Variants in TERF2 observed in about 807,000 individuals in gnomAD.
The protein encoded by TERF2 is telomeric repeat-binding factor 2.
Under a neutral mutation model 56.1 loss-of-function variants are expected in TERF2, and 16 were observed. That is an observed-to-expected ratio of 0.29 (90% CI 0.19 to 0.43). The LOEUF is 0.43. TERF2 is among the 20% of genes least tolerant of loss of function. The pLI is 1.00. For synonymous variants in TERF2, 296 were observed against 282.1 expected (o/e 1.05, Z -0.50); for missense variants, 547 against 712.9 (o/e 0.77, Z 2.65).
In TERF2 at chr16:69,355,974, C is replaced by T. The variant is rs1034108047; in HGVS notation, c.*924G>A. On this transcript the variant is annotated 3_prime_UTR_variant, in exon 10 of 10. Transcript: ENST00000254942. ...ACCAAAAAACACACTGGTTCAACCACATGAGAAGTGGAGGATTAACCTGCC... is the reference window on the plus strand; with the variant it reads ...ACCAAAAAACACACTGGTTCAACCATATGAGAAGTGGAGGATTAACCTGCC... The T allele has an allele frequency of 1.7e-5, 4 of 239,726 alleles. No individual in the cohort carries two copies. The highest frequency in any genetic ancestry group is 9.2e-5 in the African/African-American group (4 of 43,428). The allele number at this position is 239,726 out of a possible 1,614,324, so 14.8% of individuals were successfully genotyped here.
intron 5 of TERF2, 130 bp from the exon 6 acceptor site, chr16:69,368,612 G>C: frequency 6.5e-7 from 1 of 1,539,758 alleles, no homozygotes; most frequent in Non-Finnish European, 8.7e-7. Flanking sequence ...ATAAAACGAA[G>C]GACATAAAAT....
intron 5 of TERF2, among the ~76,000 whole-genome samples, chr16:69,369,043 T>C (rs933030280): frequency 1.1e-5 from 1 of 94,064 alleles, no homozygotes; most frequent in Non-Finnish European, 2.3e-5. Context: ...ACAAATGTTT[T>C]GCCTTATTAA....
Position 69,367,138 on chromosome 16 carries a change from G to A in TERF2, c.1009C>T (p.Leu337=). 1 of 1,614,218 alleles carries A rather than the reference G, an allele frequency of 6.2e-7. No homozygotes were observed. Among genetic ancestry groups the A allele is most frequent in the East Asian group, 2.2e-5 (1 of 44,886 alleles). The change falls in exon 7 of 10, where the codon CTG becomes TTG. Residue 337 remains leucine (L), a synonymous_variant. Coordinates refer to ENST00000254942, the MANE Select transcript of TERF2 (RefSeq NM_005652.5). The part of the protein sequence containing the change: ...MMTLKAAFKT[L]SGAQDSEAAF... Reference sequence around the variant, plus strand: ...GCCTCAGAATCCTGTGCACCAGACAGAGTCTTGAAAGCTGCTTTCAGAGTC... The same window carrying A: ...GCCTCAGAATCCTGTGCACCAGACAAAGTCTTGAAAGCTGCTTTCAGAGTC...
At chr16:69,374,125 T>C (rs1001440719) in intron 3 of TERF2, among the ~76,000 whole-genome samples, 4 of 152,340 alleles carry the variant, frequency 2.6e-5, no homozygotes, top group Middle Eastern at 6.8e-3. Flanking sequence ...GAAAAACATA[T>C]GCTCAAACTA....
At chr16:69,362,682 C>T (rs9939870) in intron 7 of TERF2, among the ~76,000 whole-genome samples, 49,261 of 152,010 alleles carry the variant, frequency 0.32, 9,136 homozygotes, top group African/African-American at 0.5. Context: ...TCAATGAAAA[C>T]TATAGCCCAT....
At chr16:69,357,615 C>T in intron 8 of TERF2, 54 bp from the exon 9 acceptor site, 1 of 1,592,158 alleles carries the variant, frequency 6.3e-7, no homozygotes, top group Non-Finnish European at 8.5e-7. Context: ...TCTGCACAAA[C>T]CACAAGAAAA....
chr16:69,379,604 C>A (rs1015711875), intron 3 of TERF2, among the ~76,000 whole-genome samples: 2 of 152,160 alleles, frequency 1.3e-5, no homozygotes, highest in Non-Finnish European at 2.9e-5. Context: ...TAAAACGTTA[C>A]TGCAGACCCT....
chr16:69,373,896 CAG>C (rs35906401), intron 3 of TERF2, among the ~76,000 whole-genome samples: 23,171 of 152,174 alleles, frequency 0.15, 1,910 homozygotes, highest in Middle Eastern at 0.24. Flanking sequence ...GAAGAATGTA[CAG>C]AGACACAGAC....
At chr16:69,376,789 G>A (rs973880337) in intron 3 of TERF2, among the ~76,000 whole-genome samples, 1 of 149,948 alleles carries the variant, frequency 6.7e-6, no homozygotes, top group Non-Finnish European at 1.5e-5. Context: ...GAGCCCAGGA[G>A]GTCAAGGCTG....
intron 5 of TERF2, chr16:69,368,736 G>T: frequency 1.3e-6 from 1 of 771,030 alleles, no homozygotes; most frequent in Non-Finnish European, 1.9e-6. Flanking sequence ...CAGCACAGTG[G>T]TGCAATCTCG....
chr16:69,364,066 C>T (rs2013249180), intron 7 of TERF2, among the ~76,000 whole-genome samples: 1 of 152,194 alleles, frequency 6.6e-6, no homozygotes, highest in Non-Finnish European at 1.5e-5. Flanking sequence ...AAATGTTACC[C>T]TCTGCTGGCT....
At chr16:69,375,613 G>A (rs2013749281) in intron 3 of TERF2, among the ~76,000 whole-genome samples, 1 of 152,128 alleles carries the variant, frequency 6.6e-6, no homozygotes, top group Admixed American at 6.5e-5. Context: ...TTTATAGTTA[G>A]GGTTTTTTTT....
At chr16:69,380,802 A>AT (rs1159431847) in intron 3 of TERF2, among the ~76,000 whole-genome samples, 570 of 140,712 alleles carry the variant, frequency 4.1e-3, no homozygotes, top group Admixed American at 4.4e-3. Flanking sequence ...ACATTCATTA[A>AT]TTTTTTTTTT....
chr16:69,379,399 C>T (rs1402906563), intron 3 of TERF2, among the ~76,000 whole-genome samples: 4 of 152,214 alleles, frequency 2.6e-5, no homozygotes, highest in African/African-American at 9.7e-5. Flanking sequence ...GGGGACAATG[C>T]CGCATAGTAA....
chr16:69,372,516 A>G (rs1423786543), intron 3 of TERF2, among the ~76,000 whole-genome samples, 161 bp from the exon 4 acceptor site: 1 of 152,136 alleles, frequency 6.6e-6, no homozygotes, highest in Non-Finnish European at 1.5e-5. Context: ...TAATCCCAGC[A>G]CTTTGGGAGG....
chr16:69,356,828 A>C lies in TERF2; in HGVS notation c.*70T>G. 6.8e-7 allele frequency: 1 copy of C among 1,472,376 alleles called. No homozygotes were observed. The highest frequency in any genetic ancestry group is 9.1e-7 in the Non-Finnish European group (1 of 1,104,318). 91.2% of individuals were successfully genotyped at this position (1,472,376 alleles called of 1,614,324 possible). On this transcript the variant is annotated 3_prime_UTR_variant, in exon 10 of 10. Coordinates refer to ENST00000254942, the MANE Select transcript of TERF2 (RefSeq NM_005652.5). ...AAAAAAAAAAAAAGAAAAAGAAAGA[A>C]AGAGCAGACTATCAGGGGCTATTAT... is the stretch of plus-strand genomic sequence containing the variant.
rs1049508306 is a variant in TERF2 at position 69,361,945 on chromosome 16, T to TTTTTTTTTTTTTTTTTGAG, written c.1341-457_1341-456insCTCAAAAAAAAAAAAAAAA. On this transcript the variant is annotated intron_variant, in intron 7 of 9. Coordinates refer to ENST00000254942, the MANE Select transcript of TERF2 (RefSeq NM_005652.5). Reference sequence around the variant, plus strand: ...TTTCATCAGTATTCCACTAGCCTCTTAACTAGAGTCTCTGCCGCTAGGCTC... The same window carrying TTTTTTTTTTTTTTTTTGAG: ...TTTCATCAGTATTCCACTAGCCTCTTTTTTTTTTTTTTTTTTGAGAACTAGAGTCTCTGCCGCTAGGCTC... 4.0e-5 allele frequency among the ~76,000 whole-genome samples: 6 copies of TTTTTTTTTTTTTTTTTGAG among 149,870 alleles called. No individual in the cohort carries two copies. In the South Asian group the frequency reaches 1.3e-3, roughly 33 times the overall value.
In TERF2 at chr16:69,356,781, C is replaced by T. The variant is rs2012919596; in HGVS notation, c.*117G>A. ...CGCCACTGCACTCCAGCCTGGGTGACAGAGCGAGACTCTGTCTCAAAAAAA... is the reference window on the plus strand; with the variant it reads ...CGCCACTGCACTCCAGCCTGGGTGATAGAGCGAGACTCTGTCTCAAAAAAA... On this transcript the variant is annotated 3_prime_UTR_variant, in exon 10 of 10. Transcript: ENST00000254942. 1 of 1,170,098 alleles carries T rather than the reference C, an allele frequency of 8.5e-7. No individual in the cohort carries two copies. The allele number at this position is 1,170,098 out of a possible 1,614,324, so 72.5% of individuals were successfully genotyped here.
chr16:69,365,745 C>CA (rs2142724410), intron 7 of TERF2: 1 of 152,388 alleles, frequency 6.6e-6, no homozygotes, highest in African/African-American at 2.4e-5. Context: ...AGGCTGCTCT[C>CA]AAACTCCTGA....
Sources: gnomAD v4.1 joint callset for allele counts (sites outside exome capture counted in the v4.1 genomes callset) on GRCh38, gnomAD v4.1.1 for gene constraint, MANE v1.5 for transcripts, NCBI Gene and HGNC (gene_info 2026-07-23, HGNC 2026-07-21) for gene names.